Variants in GJC2 observed in about 807,000 individuals in gnomAD.
The protein encoded by GJC2 is gap junction protein gamma 2.
For synonymous variants in GJC2, 336 were observed against 307.5 expected, an observed-to-expected ratio of 1.09 and a Z score of -0.97; for missense variants, 647 against 648.9, an observed-to-expected ratio of 1.00 and a Z score of 0.03.
intron 1 of GJC2, among the ~76,000 whole-genome samples, chr1:228,157,398 C>T (rs994733899): frequency 6.6e-6 from 1 of 152,044 alleles, no homozygotes; most frequent in Non-Finnish European, 1.5e-5. Context: ...GATGCTGAAA[C>T]TCTGTGGGAC....
At position 228,158,169 on chromosome 1, in the gene GJC2, G is replaced by A. The variant is rs2034712401; in HGVS notation, c.411G>A (p.Glu137=). The A allele has an allele frequency of 2.9e-6, 4 of 1,393,448 alleles. No individual in the cohort carries two copies. Among genetic ancestry groups the A allele is most frequent in the African/African-American group, 3.0e-5 (2 of 65,656 alleles). The allele number at this position is 1,393,448 out of a possible 1,614,324, so 86.3% of individuals were successfully genotyped here. ...HLPPPHAGWP[E]PADLGEEEPM... is the part of the protein sequence containing the mutation. Reference sequence around the variant, plus strand: ...CGCCCCCGCACGCCGGCTGGCCTGAGCCCGCCGACCTGGGCGAGGAGGAGC... The same window carrying A: ...CGCCCCCGCACGCCGGCTGGCCTGAACCCGCCGACCTGGGCGAGGAGGAGC... Residue 137 remains glutamate, a synonymous_variant, in exon 2 of 2, where the codon GAG becomes GAA. Transcript: ENST00000366714. The surrounding 1 kb of genome is among the most constrained non-coding windows in gnomAD (Gnocchi z 8.3).
At position 228,159,532 on chromosome 1, in the gene GJC2, T is replaced by G; in HGVS notation, c.*454T>G. 2 of 182,198 alleles carry G rather than the reference T, an allele frequency of 1.1e-5. No individual in the cohort carries two copies. Among genetic ancestry groups the G allele is most frequent in the Admixed American group, 5.7e-5 (1 of 17,466 alleles). 11.3% of individuals were successfully genotyped at this position (182,198 alleles called of 1,614,324 possible). ...TGGGGCTCCTTCTTCAGCCCTCCCC[T>G]TCCCAGCCCCAAACTGAGACAGACT... On this transcript the variant is annotated 3_prime_UTR_variant, in exon 2 of 2. Transcript: ENST00000366714. The surrounding 1 kb of genome is among the most constrained non-coding windows in gnomAD (Gnocchi z 4.0).
At position 228,154,076 on chromosome 1, in the gene GJC2, G is replaced by A. The variant is rs533062539; in HGVS notation, c.-19-3664G>A. Reference sequence around the variant, plus strand: ...CCCGTTGCTGACGTCTTGCATTAGCGTGACATGCTCCTCATAATGAATGGA... The same window carrying A: ...CCCGTTGCTGACGTCTTGCATTAGCATGACATGCTCCTCATAATGAATGGA... On this transcript the variant is annotated intron_variant, in intron 1 of 1. Transcript: ENST00000366714. Among the ~76,000 whole-genome samples, 9 of 152,208 alleles carry A rather than the reference G, an allele frequency of 5.9e-5. No individual in the cohort carries two copies. In the South Asian group the frequency reaches 1.5e-3, roughly 25 times the overall value.
chr1:228,157,797 G>A lies in GJC2; in HGVS notation c.39G>A (p.Leu13=). 6.4e-7 allele frequency: 1 copy of A among 1,551,638 alleles called. No homozygotes were observed. ...NMSWSFLTRL[L]EEIHNHSTFV... is the part of the protein sequence containing the mutation. Reference sequence around the variant, plus strand: ...GCTGGAGCTTCCTGACGCGGCTGCTGGAGGAGATCCACAACCACTCCACCT... The same window carrying A: ...GCTGGAGCTTCCTGACGCGGCTGCTAGAGGAGATCCACAACCACTCCACCT... Residue 13 remains leucine, a synonymous_variant, in exon 2 of 2, where the codon CTG becomes CTA. Coordinates refer to ENST00000366714, the MANE Select transcript of GJC2 (RefSeq NM_020435.4).
chr1:228,154,207 C>T (rs1164526069), intron 1 of GJC2, among the ~76,000 whole-genome samples: 1 of 152,166 alleles, frequency 6.6e-6, no homozygotes, highest in Non-Finnish European at 1.5e-5. Flanking sequence ...CACATGGTGT[C>T]AGTCACCGTG....
rs750932850 is a variant in GJC2, at chr1:228,158,815, C to T, written c.1057C>T (p.Leu353=). 36 of 1,454,098 alleles carry T rather than the reference C, an allele frequency of 2.5e-5. No homozygotes were observed. In the South Asian group the frequency reaches 3.9e-4, roughly 16 times the overall value. 90.1% of individuals were successfully genotyped at this position (1,454,098 alleles called of 1,614,324 possible). A position where few individuals can be genotyped will look rare whatever the true frequency, so the allele number is the denominator to read the frequency against. Residue 353 remains leucine, a synonymous_variant, in exon 2 of 2, where the codon CTG becomes TTG. Transcript: ENST00000366714. The surrounding 1 kb of genome is among the most constrained non-coding windows in gnomAD (Gnocchi z 8.3). ...ARAHDQNLAN[L]ALQALRDGAA... Reference sequence around the variant, plus strand: ...GGCGCATGACCAGAACCTGGCAAACCTGGCCCTGCAGGCGCTGCGCGACGG... The same window carrying T: ...GGCGCATGACCAGAACCTGGCAAACTTGGCCCTGCAGGCGCTGCGCGACGG...
rs757938017 is a variant in GJC2, at chr1:228,158,808, G to C, written c.1050G>C (p.Leu350=). The change falls in exon 2 of 2, where the codon CTG becomes CTC. Residue 350 remains leucine, a synonymous_variant. Coordinates refer to ENST00000366714, the MANE Select transcript of GJC2 (RefSeq NM_020435.4). The surrounding 1 kb of genome is among the most constrained non-coding windows in gnomAD (Gnocchi z 8.3). ...GCGCTCGGGCGCATGACCAGAACCT[G>C]GCAAACCTGGCCCTGCAGGCGCTGC... The part of the protein sequence containing the change: ...AERARAHDQN[L]ANLALQALRD... 6.9e-7 allele frequency: 1 copy of C among 1,450,844 alleles called. No homozygotes were observed. Among genetic ancestry groups the C allele is most frequent in the East Asian group, 3.2e-5 (1 of 31,466 alleles). The allele number at this position is 1,450,844 out of a possible 1,614,324, so 89.9% of individuals were successfully genotyped here. A position where few individuals can be genotyped will look rare whatever the true frequency, so the allele number is the denominator to read the frequency against.
rs2034591477 is a variant in GJC2, at chr1:228,150,044, C to T, written c.-20+37C>T. ...GGGTCCATGTATGTACCTCATGGGGCTGGGGGCTGTTGCCCCAGGAGACAG... is the reference window on the plus strand; with the variant it reads ...GGGTCCATGTATGTACCTCATGGGGTTGGGGGCTGTTGCCCCAGGAGACAG... On this transcript the variant is annotated intron_variant, in intron 1 of 1. Coordinates refer to ENST00000366714, the MANE Select transcript of GJC2 (RefSeq NM_020435.4). This position sits in a 1 kb window ranked among gnomAD's most constrained non-coding sequence, Gnocchi z 4.6. 6.6e-6 allele frequency: 1 copy of T among 152,244 alleles called. No individual in the cohort carries two copies. 9.4% of individuals were successfully genotyped at this position (152,244 alleles called of 1,614,324 possible). A position where few individuals can be genotyped will look rare whatever the true frequency, so the allele number is the denominator to read the frequency against.
At position 228,158,666 on chromosome 1, in the gene GJC2, G is replaced by GC. The variant is rs973813602; in HGVS notation, c.914dup (p.Ala306GlyfsTer42). 19 of 1,363,362 alleles carry GC rather than the reference G, an allele frequency of 1.4e-5. No individual in the cohort carries two copies. Among genetic ancestry groups the GC allele is most frequent in the Non-Finnish European group, 1.8e-5 (19 of 1,044,254 alleles). 84.5% of individuals were successfully genotyped at this position (1,363,362 alleles called of 1,614,324 possible). On this transcript the variant is annotated frameshift_variant, in exon 2 of 2. Transcript: ENST00000366714. LOFTEE classifies it low-confidence loss of function (END_TRUNC). The surrounding 1 kb of genome is among the most constrained non-coding windows in gnomAD (Gnocchi z 8.3). ...CAGGACGCGGTGCGCGGCCGCCGCG[G>GC]CCCCCCGGCCTCCGCCCCCGCCCCC...
At chr1:228,153,591 T>C (rs1478133229) in intron 1 of GJC2, among the ~76,000 whole-genome samples, 1 of 147,284 alleles carries the variant, frequency 6.8e-6, no homozygotes, top group African/African-American at 2.5e-5. Flanking sequence ...CTTTTTTTTT[T>C]TTTTTTTTTT....
chr1:228,151,682 A>T lies in GJC2; in HGVS notation c.-20+1675A>T, dbSNP rs1051214197. ...CTGGTGCCCACACCCAGTGGGGCCT[A>T]CTGCTGCACAGGCAGGACAGTGAGG... On this transcript the variant is annotated intron_variant, in intron 1 of 1. Transcript: ENST00000366714. The surrounding 1 kb of genome is among the most constrained non-coding windows in gnomAD (Gnocchi z 5.4). 1.3e-5 allele frequency among the ~76,000 whole-genome samples: 2 copies of T among 152,036 alleles called. No individual in the cohort carries two copies. Among genetic ancestry groups the T allele is most frequent in the African/African-American group, 4.8e-5 (2 of 41,376 alleles).
chr1:228,158,720 C>T lies in GJC2; in HGVS notation c.962C>T (p.Pro321Leu). ...PAPRPPPCAF[P>L]AAAAGLACPP... Reference sequence around the variant, plus strand: ...CCGCGGCCCCCGCCCTGCGCCTTCCCTGCGGCGGCCGCTGGCTTGGCCTGC... The same window carrying T: ...CCGCGGCCCCCGCCCTGCGCCTTCCTTGCGGCGGCCGCTGGCTTGGCCTGC... The change falls in exon 2 of 2, where the codon CCT becomes CTT. Residue 321 changes from proline (P) to leucine (L), a missense_variant. Transcript: ENST00000366714. This position sits in a 1 kb window ranked among gnomAD's most constrained non-coding sequence, Gnocchi z 8.3. 2 of 1,309,814 alleles carry T rather than the reference C, an allele frequency of 1.5e-6. No homozygotes were observed. The highest frequency in any genetic ancestry group is 2.0e-6 in the Non-Finnish European group (2 of 1,022,848). 81.1% of individuals were successfully genotyped at this position (1,309,814 alleles called of 1,614,324 possible). A position where few individuals can be genotyped will look rare whatever the true frequency, so the allele number is the denominator to read the frequency against.
chr1:228,157,740 G>GGGCC lies in GJC2; in HGVS notation c.-19_-18insGGCC. The GGGCC allele has an allele frequency of 6.0e-6, 4 of 662,258 alleles. No individual in the cohort carries two copies. Among genetic ancestry groups the GGGCC allele is most frequent in the Non-Finnish European group, 5.3e-6 (2 of 378,502 alleles). 41.0% of individuals were successfully genotyped at this position (662,258 alleles called of 1,614,324 possible). ...GGCTGACCCCTACCCCGCCCCACAGGACCCGCCCGCCCGCCCCTATGACCA... is the reference window on the plus strand; with the variant it reads ...GGCTGACCCCTACCCCGCCCCACAGGGGCCACCCGCCCGCCCGCCCCTATGACCA... On this transcript the variant is annotated splice_region_variant and 5_prime_UTR_variant, in exon 2 of 2. Transcript: ENST00000366714.
intron 1 of GJC2, among the ~76,000 whole-genome samples, chr1:228,156,969 C>T (rs2034689413): frequency 6.6e-6 from 1 of 152,250 alleles, no homozygotes; most frequent in Non-Finnish European, 1.5e-5. Flanking sequence ...CGACTGGCTT[C>T]ATCCTGACCC....
chr1:228,158,577 G>A lies in GJC2; in HGVS notation c.819G>A (p.Val273=). ...CGGTCTTCCTGCTGGTTATGTACGT[G>A]GTCAGCTGCCTGTGCCTGCTGCTCA... ...EKTVFLLVMY[V]VSCLCLLLNL... Residue 273 remains valine, a synonymous_variant, in exon 2 of 2, where the codon GTG becomes GTA. Coordinates refer to ENST00000366714, the MANE Select transcript of GJC2 (RefSeq NM_020435.4). This position sits in a 1 kb window ranked among gnomAD's most constrained non-coding sequence, Gnocchi z 8.3. The A allele has an allele frequency of 1.2e-6, 2 of 1,612,408 alleles. No homozygotes were observed. Among genetic ancestry groups the A allele is most frequent in the South Asian group, 2.2e-5 (2 of 91,080 alleles).
chr1:228,157,737 C>CCGGGGGGGGGGGGGGGGGGGGCGGGG lies in GJC2; in HGVS notation c.-19-3_-19-2insCGGGGGGGGGGGGGGGGGGGGCGGGG. ...CCTGGCTGACCCCTACCCCGCCCCA[C>CCGGGGGGGGGGGGGGGGGGGGCGGGG]AGGACCCGCCCGCCCGCCCCTATGA... On this transcript the variant is annotated splice_region_variant and splice_polypyrimidine_tract_variant and intron_variant, in intron 1 of 1. Transcript: ENST00000366714. 1 of 682,662 alleles carries CCGGGGGGGGGGGGGGGGGGGGCGGGG rather than the reference C, an allele frequency of 1.5e-6. No individual in the cohort carries two copies. The highest frequency in any genetic ancestry group is 2.7e-6 in the Non-Finnish European group (1 of 374,192). 42.3% of individuals were successfully genotyped at this position (682,662 alleles called of 1,614,324 possible).
rs1301155423 is a variant in GJC2 at position 228,150,177 on chromosome 1, G to A, written c.-20+170G>A. Among the ~76,000 whole-genome samples the A allele has an allele frequency of 2.6e-5, 4 of 152,146 alleles. No individual in the cohort carries two copies. The highest frequency in any genetic ancestry group is 6.5e-5 in the Admixed American group (1 of 15,288). ...CGCCTGCCACCCCCTCCTGGGCTCC[G>A]CTGCTCCACGCAGATGGTGGGGTGG... is the stretch of plus-strand genomic sequence containing the variant. On this transcript the variant is annotated intron_variant, in intron 1 of 1. Transcript: ENST00000366714. The surrounding 1 kb of genome is among the most constrained non-coding windows in gnomAD (Gnocchi z 4.6).
intron 1 of GJC2, among the ~76,000 whole-genome samples, chr1:228,155,055 C>A (rs538325942): frequency 6.6e-6 from 1 of 152,218 alleles, no homozygotes; most frequent in African/African-American, 2.4e-5. Context: ...TCTATGAAAC[C>A]GCCCACGTCT....
At chr1:228,156,759 C>A (rs1359233609) in intron 1 of GJC2, among the ~76,000 whole-genome samples, 1 of 152,260 alleles carries the variant, frequency 6.6e-6, no homozygotes, top group Non-Finnish European at 1.5e-5. Context: ...GGGCAACCGC[C>A]AGCAGAGGGT....
Sources: allele counts gnomAD v4.1 joint callset (sites outside exome capture counted in the v4.1 genomes callset), GRCh38; gene constraint gnomAD v4.1.1; non-coding constraint Gnocchi (gnomAD v3.1); transcripts MANE v1.5; gene names NCBI Gene and HGNC (gene_info 2026-07-23, HGNC 2026-07-21).